Variants in ATP1A2 observed in about 807,000 individuals in gnomAD.
ATP1A2 encodes the protein ATPase Na+/K+ transporting subunit alpha 2.
A neutral mutation model predicts 113.1 loss-of-function variants in ATP1A2; 56 were observed. The observed-to-expected ratio is 0.49, with a 90% CI of 0.40 to 0.62. ATP1A2 has a LOEUF of 0.62. Among genes scored for constraint, ATP1A2 ranks in the 20% least tolerant of loss-of-function variants. ATP1A2 has a pLI of 0.00. For missense variants in ATP1A2, 712 were observed against 1,357.8 expected (o/e 0.52, Z 7.47); for synonymous variants, 490 against 526.8 (o/e 0.93, Z 0.96).
chr1:160,135,369 G>A lies in ATP1A2; in HGVS notation c.2116-65G>A. 2.5e-6 allele frequency: 4 copies of A among 1,614,236 alleles called. No homozygotes were observed. Among genetic ancestry groups the A allele is most frequent in the African/African-American group, 2.7e-5 (2 of 75,050 alleles). Reference sequence around the variant, plus strand: ...GGGACAGGGCCAAGACAAGCATGGAGTGAGAGGCGAGGAGCCAGGCTTGGG... The same window carrying A: ...GGGACAGGGCCAAGACAAGCATGGAATGAGAGGCGAGGAGCCAGGCTTGGG... On this transcript the variant is annotated intron_variant, in intron 15 of 22. Coordinates refer to ENST00000361216, the MANE Select transcript of ATP1A2 (RefSeq NM_000702.4). The surrounding 1 kb of genome is among the most constrained non-coding windows in gnomAD (Gnocchi z 6.3).
rs376784470 is a variant in ATP1A2 at position 160,115,885 on chromosome 1, T to G, written c.12+12T>G. 1 of 1,601,274 alleles carries G rather than the reference T, an allele frequency of 6.2e-7. No individual in the cohort carries two copies. Among genetic ancestry groups the G allele is most frequent in the Non-Finnish European group, 8.5e-7 (1 of 1,174,460 alleles). On this transcript the variant is annotated intron_variant, in intron 1 of 22. Transcript: ENST00000361216. ...AGATGGGCCGTGGGGTGAGTATCCC[T>G]AAAGAGCAGGGGTCGCAGTCTAGAG... is the stretch of plus-strand genomic sequence containing the variant.
chr1:160,140,094 C>T, intron 22 of ATP1A2, 110 bp downstream of exon 22: 1 of 1,131,536 alleles, frequency 8.8e-7, no homozygotes, highest in South Asian at 1.3e-5. Flanking sequence ...TTCTGTTCCT[C>T]AACACCCTCA....
At chr1:160,121,095 G>A in intron 2 of ATP1A2, 85 bp downstream of exon 2, 2 of 1,602,636 alleles carry the variant, frequency 1.2e-6, no homozygotes, top group Non-Finnish European at 1.7e-6. Flanking sequence ...GAAACTCCGT[G>A]TCCCCCATGC....
chr1:160,117,722 A>G (rs546224647), intron 1 of ATP1A2, among the ~76,000 whole-genome samples: 7 of 152,044 alleles, frequency 4.6e-5, no homozygotes, highest in Non-Finnish European at 7.4e-5. Flanking sequence ...CTGTCCCCCC[A>G]TTACCCAGTG....
intron 8 of ATP1A2, 27 bp from the exon 9 acceptor site, chr1:160,128,624 CT>C: frequency 6.2e-7 from 1 of 1,614,084 alleles, no homozygotes; most frequent in Non-Finnish European, 8.5e-7. Context: ...CAGCCTTAAC[CT>C]TTTTTATTCT....
At chr1:160,138,831 G>A (rs12408203) in intron 20 of ATP1A2, among the ~76,000 whole-genome samples, 83,807 of 151,230 alleles carry the variant, frequency 0.55, 23,425 homozygotes, top group Non-Finnish European at 0.58. Flanking sequence ...CTCTGTCTCA[G>A]AAAAAAAAAG....
At chr1:160,118,289 C>G (rs1036020591) in intron 1 of ATP1A2, among the ~76,000 whole-genome samples, 1 of 152,198 alleles carries the variant, frequency 6.6e-6, no homozygotes, top group Non-Finnish European at 1.5e-5. Flanking sequence ...GCACCCTGCT[C>G]TTCTGCCCAC....
At chr1:160,125,706 G>A (rs536158424) in intron 7 of ATP1A2, among the ~76,000 whole-genome samples, 8 of 152,314 alleles carry the variant, frequency 5.3e-5, no homozygotes, top group East Asian at 3.9e-4. Flanking sequence ...GGCCAAGAAG[G>A]CATTCTGGCC....
rs983594715 is a variant in ATP1A2, at chr1:160,134,715, T to C, written c.1964+95T>C. ...CCTGGGAGTATTTGGATAGCATTTC[T>C]GGGACCTTTATAGGCCTTACCTCTG... On this transcript the variant is annotated intron_variant, in intron 14 of 22. Transcript: ENST00000361216. 3.0e-5 allele frequency: 48 copies of C among 1,582,710 alleles called. No homozygotes were observed. The Middle Eastern group carries it at 5.7e-4, about 19-fold the overall frequency.
chr1:160,143,361 C>G lies in ATP1A2; in HGVS notation c.*2039C>G, dbSNP rs1266025502. ...TTTTTTAGTAAATTAAGAGCATAAA[C>G]AATATTGCTAGAGGTGGCATGTTTA... On this transcript the variant is annotated 3_prime_UTR_variant, in exon 23 of 23. Transcript: ENST00000361216. The G allele has an allele frequency of 2.0e-5, 3 of 152,502 alleles. No homozygotes were observed. The highest frequency in any genetic ancestry group is 4.4e-5 in the Non-Finnish European group (3 of 68,014). The allele number at this position is 152,502 out of a possible 1,614,324, so 9.4% of individuals were successfully genotyped here. A position where few individuals can be genotyped will look rare whatever the true frequency, so the allele number is the denominator to read the frequency against.
At chr1:160,139,564 T>G (rs1652066777) in intron 20 of ATP1A2, 76 bp from the exon 21 acceptor site, 2 of 1,307,124 alleles carry the variant, frequency 1.5e-6, no homozygotes, top group Middle Eastern at 1.8e-4. Context: ...CTCTTTCCCT[T>G]GCACCCCAGG....
rs1651872567 is a variant in ATP1A2 at position 160,134,481 on chromosome 1, T to C, written c.1828-3T>C. Reference sequence around the variant, plus strand: ...TCCTGTTGTCTCCTCTCCTTCCCACTAGGTGATCATGGTAACCGGGGATCA... The same window carrying C: ...TCCTGTTGTCTCCTCTCCTTCCCACCAGGTGATCATGGTAACCGGGGATCA... On this transcript the variant is annotated splice_region_variant and splice_polypyrimidine_tract_variant and intron_variant, in intron 13 of 22. Transcript: ENST00000361216. 1.2e-6 allele frequency: 2 copies of C among 1,614,062 alleles called. No homozygotes were observed. Among genetic ancestry groups the C allele is most frequent in the African/African-American group, 2.7e-5 (2 of 74,910 alleles).
At chr1:160,123,534 C>G in intron 4 of ATP1A2, 118 bp downstream of exon 4, 2 of 1,313,846 alleles carry the variant, frequency 1.5e-6, no homozygotes, top group Non-Finnish European at 2.2e-6. Flanking sequence ...ACAGATGCCC[C>G]TGCATCTTAG....
In ATP1A2 at chr1:160,130,230, G is replaced by A. The variant is rs1042062045; in HGVS notation, c.1590G>A (p.Glu530=). The change falls in exon 12 of 23, where the codon GAG becomes GAA. Residue 530 remains glutamate, a synonymous_variant. Transcript: ENST00000361216. ...GCAAGGAGATCCCGCTCGACAAGGA[G>A]ATGCAAGATGCCTTTCAAAATGCCT... is the stretch of plus-strand genomic sequence containing the variant. ...VQGKEIPLDK[E]MQDAFQNAYM... The A allele has an allele frequency of 7.4e-6, 12 of 1,614,222 alleles. No individual in the cohort carries two copies. Among genetic ancestry groups the A allele is most frequent in the East Asian group, 2.2e-5 (1 of 44,874 alleles).
intron 2 of ATP1A2, 41 bp downstream of exon 2, chr1:160,121,051 G>T (rs1471192270): frequency 1.2e-6 from 2 of 1,611,584 alleles, no homozygotes; most frequent in Non-Finnish European, 1.7e-6. Context: ...GCCCCATGCT[G>T]GGAGAGCTGT....
chr1:160,137,134 G>A, intron 20 of ATP1A2, 103 bp downstream of exon 20: 1 of 1,573,452 alleles, frequency 6.4e-7, no homozygotes, highest in Non-Finnish European at 8.7e-7. Flanking sequence ...GAGCTGTAAG[G>A]AGGGCATCAG....
chr1:160,140,056 A>C (rs1652087866), intron 22 of ATP1A2, 72 bp downstream of exon 22: 2 of 1,434,850 alleles, frequency 1.4e-6, no homozygotes, highest in African/African-American at 2.8e-5. Flanking sequence ...GACCACACGC[A>C]GACTCCACTC....
Position 160,125,118 on chromosome 1 carries a change from G to A in ATP1A2, c.631-18G>A, listed in dbSNP as rs1249524360. ...GTGGCTCTGCCAGTCTGATGACTAT[G>A]CACTCCTTCCTCCTCAGGTGGATAA... On this transcript the variant is annotated intron_variant, in intron 6 of 22. Transcript: ENST00000361216. The A allele has an allele frequency of 2.5e-6, 4 of 1,607,264 alleles. No homozygotes were observed. In the African/African-American group the frequency reaches 5.4e-5, roughly 22 times the overall value.
intron 7 of ATP1A2, chr1:160,125,527 G>T: frequency 2.1e-6 from 1 of 486,096 alleles, no homozygotes; most frequent in Non-Finnish European, 3.8e-6. Context: ...TTCAGGTATT[G>T]GGTTAAGAAC....
Sources: allele counts gnomAD v4.1 joint callset (sites outside exome capture counted in the v4.1 genomes callset), GRCh38; gene constraint gnomAD v4.1.1; non-coding constraint Gnocchi (gnomAD v3.1); transcripts MANE v1.5; gene names NCBI Gene and HGNC (gene_info 2026-07-23, HGNC 2026-07-21).